Variants in SOX5 observed in about 807,000 individuals in gnomAD.
The protein encoded by SOX5 is transcription factor SOX-5.
SOX5 carries 9 observed loss-of-function variants against 92.0 expected under a neutral mutation model. The observed-to-expected ratio is 0.10, with a 90% CI of 0.06 to 0.17. SOX5 has a LOEUF of 0.17. Among genes scored for constraint, SOX5 ranks in the 10% least tolerant of loss-of-function variants. The pLI is 1.00. For synonymous variants in SOX5, 344 were observed against 336.3 expected, an observed-to-expected ratio of 1.02 and a Z score of -0.25; for missense variants, 642 against 944.5, an observed-to-expected ratio of 0.68 and a Z score of 4.20.
intron 4 of SOX5, among the ~76,000 whole-genome samples, chr12:24,203,293 G>A (rs1233737265): frequency 6.6e-6 from 1 of 152,062 alleles, no homozygotes; most frequent in African/African-American, 2.4e-5. Flanking sequence ...CCTACTTTCT[G>A]GGACCAAAAG....
At chr12:23,878,242 T>G (rs1214446751) in intron 2 of SOX5, among the ~76,000 whole-genome samples, 1 of 152,064 alleles carries the variant, frequency 6.6e-6, no homozygotes, top group Non-Finnish European at 1.5e-5. Context: ...ATCAACCTTA[T>G]TAACTATATT....
At chr12:24,360,949 C>T (rs1286175195) in intron 2 of SOX5, among the ~76,000 whole-genome samples, 1 of 152,102 alleles carries the variant, frequency 6.6e-6, no homozygotes, top group African/African-American at 2.4e-5. Context: ...GAGGGCACTC[C>T]GTCCTTCTTG....
At chr12:23,656,956 T>G (rs929498621) in intron 7 of SOX5, among the ~76,000 whole-genome samples, 2 of 152,014 alleles carry the variant, frequency 1.3e-5, no homozygotes, top group Admixed American at 6.6e-5. Flanking sequence ...GTGCCACCTT[T>G]AATATATTAG....
chr12:23,909,233 C>T (rs894584592), intron 1 of SOX5, among the ~76,000 whole-genome samples: 16 of 152,136 alleles, frequency 1.1e-4, no homozygotes, highest in Non-Finnish European at 2.2e-4. Context: ...TAGAGATAAG[C>T]CTTTTGAAGT....
At chr12:24,136,147 G>T (rs1383212871) in intron 4 of SOX5, among the ~76,000 whole-genome samples, 1 of 152,212 alleles carries the variant, frequency 6.6e-6, no homozygotes, top group African/African-American at 2.4e-5. Context: ...ATAAGTCAAA[G>T]CTCCAGAAAA....
chr12:24,522,157 A>G (rs1010884541), intron 1 of SOX5, among the ~76,000 whole-genome samples: 3 of 151,984 alleles, frequency 2.0e-5, no homozygotes, highest in South Asian at 2.1e-4. Flanking sequence ...AAATGCCAAC[A>G]AAGTGGATAA....
chr12:23,677,290 G>A (rs1318856312), intron 6 of SOX5, among the ~76,000 whole-genome samples: 1 of 152,068 alleles, frequency 6.6e-6, no homozygotes, highest in Non-Finnish European at 1.5e-5. Context: ...AAACTTATGT[G>A]TCCTTAATGA....
At chr12:24,284,679 G>A (rs774580167) in intron 2 of SOX5, among the ~76,000 whole-genome samples, 16 of 152,082 alleles carry the variant, frequency 1.1e-4, no homozygotes, top group Non-Finnish European at 2.2e-4. Flanking sequence ...GGTTCCAGCT[G>A]CAGTCCAGTG....
chr12:23,792,706 A>G (rs2095498731), intron 3 of SOX5, among the ~76,000 whole-genome samples: 1 of 150,398 alleles, frequency 6.6e-6, no homozygotes, highest in African/African-American at 2.4e-5. Context: ...AGATGCTGCC[A>G]AAGAATTCCT....
chr12:24,260,733 T>G (rs1202494780), intron 3 of SOX5, among the ~76,000 whole-genome samples: 1 of 152,194 alleles, frequency 6.6e-6, no homozygotes, highest in Non-Finnish European at 1.5e-5. Context: ...CTCTTCTTCT[T>G]CTAAAGTGCT....
At chr12:23,713,778 A>G (rs187952160) in intron 6 of SOX5, among the ~76,000 whole-genome samples, 1 of 148,812 alleles carries the variant, frequency 6.7e-6, no homozygotes, top group East Asian at 1.9e-4. Flanking sequence ...ATCTATGACT[A>G]GCATTATTTA....
rs557018543 is a variant in SOX5 at position 23,681,548 on chromosome 12, CATCT to C, written c.811-15988_811-15985del. ...AAAAAGGTTGAAAAAGATGAAAAAA[CATCT>C]ATCAGGCAAATATTAACCAAAAAAG... is the stretch of plus-strand genomic sequence containing the variant. On this transcript the variant is annotated intron_variant, in intron 6 of 14. Coordinates refer to ENST00000451604, the MANE Select transcript of SOX5 (RefSeq NM_006940.6). Among the ~76,000 whole-genome samples, 833 of 151,634 alleles carry C rather than the reference CATCT, an allele frequency of 5.5e-3. 3 individuals are homozygous for C. The highest frequency in any genetic ancestry group is 9.3e-3 in the Non-Finnish European group (630 of 67,696).
At chr12:24,383,052 CA>C (rs1306764036) in intron 1 of SOX5, among the ~76,000 whole-genome samples, 5 of 152,160 alleles carry the variant, frequency 3.3e-5, no homozygotes, top group African/African-American at 1.2e-4. Context: ...CTACAAGTGG[CA>C]GGTTCCAAAT....
chr12:23,992,282 T>C (rs1421514007), intron 4 of SOX5, among the ~76,000 whole-genome samples: 1 of 152,132 alleles, frequency 6.6e-6, no homozygotes, highest in African/African-American at 2.4e-5. Flanking sequence ...CTCCTTATTT[T>C]CCTCAGGTAG....
chr12:23,731,852 C>T (rs1017145845), intron 6 of SOX5, among the ~76,000 whole-genome samples: 3 of 152,072 alleles, frequency 2.0e-5, no homozygotes, highest in East Asian at 1.9e-4. Flanking sequence ...TCAATATACG[C>T]GTTGTTTTCT....
chr12:23,879,043 C>T (rs989013797), intron 2 of SOX5, among the ~76,000 whole-genome samples: 2 of 152,026 alleles, frequency 1.3e-5, no homozygotes, highest in Admixed American at 6.6e-5. Flanking sequence ...CTGTCCTTTA[C>T]GGCTTCCTAT....
chr12:24,223,783 C>CAACA (rs534969003), intron 3 of SOX5, among the ~76,000 whole-genome samples: 32 of 151,958 alleles, frequency 2.1e-4, no homozygotes, highest in Admixed American at 1.1e-3. Context: ...AAACAAAAAA[C>CAACA]AACAAACAAA....
At chr12:23,820,352 A>T (rs903142854) in intron 3 of SOX5, among the ~76,000 whole-genome samples, 7 of 151,906 alleles carry the variant, frequency 4.6e-5, no homozygotes, top group Non-Finnish European at 8.8e-5. Flanking sequence ...GATTGCAAAA[A>T]TTTTCTCCCA....
chr12:23,904,953 A>G (rs2097276109), intron 1 of SOX5, among the ~76,000 whole-genome samples: 1 of 152,192 alleles, frequency 6.6e-6, no homozygotes, highest in Non-Finnish European at 1.5e-5. Flanking sequence ...GATGCGCAAA[A>G]CAATGTAAAG....
Sources: gnomAD v4.1 joint callset for allele counts (sites outside exome capture counted in the v4.1 genomes callset) on GRCh38, gnomAD v4.1.1 for gene constraint, MANE v1.5 for transcripts, NCBI Gene and HGNC (gene_info 2026-07-23, HGNC 2026-07-21) for gene names.